The following PREX2 variants were observed in gnomAD, a reference collection of about 807,000 sequenced individuals.
PREX2 encodes phosphatidylinositol 3,4,5-trisphosphate-dependent Rac exchanger 2 protein.
A neutral mutation model predicts 203.2 loss-of-function variants in PREX2; 107 were observed. The ratio of observed to expected loss-of-function variants is 0.53; its 90% CI spans 0.45 to 0.62. The LOEUF is 0.62. PREX2 is among the 20% of genes least tolerant of loss of function. PREX2 has a pLI of 0.00. For missense variants in PREX2, 1,777 were observed against 1,955.9 expected (o/e 0.91, Z 1.72); for synonymous variants, 672 against 663.6 (o/e 1.01, Z -0.19).
chr8:68,134,770 G>A (rs1811079947), intron 32 of PREX2, among the ~76,000 whole-genome samples: 1 of 152,188 alleles, frequency 6.6e-6, no homozygotes, highest in African/African-American at 2.4e-5. Context: ...TTGTATGCAT[G>A]TTTGTCCTGT....
At chr8:67,991,600 G>A (rs769960175) in intron 1 of PREX2, among the ~76,000 whole-genome samples, 1 of 152,112 alleles carries the variant, frequency 6.6e-6, no homozygotes, top group Non-Finnish European at 1.5e-5. Context: ...ACTATCATGA[G>A]AATAGCATGG....
chr8:68,045,475 A>G (rs539705970), intron 8 of PREX2, among the ~76,000 whole-genome samples: 17 of 152,226 alleles, frequency 1.1e-4, no homozygotes, highest in African/African-American at 4.1e-4. Context: ...AATATTTATA[A>G]TCTGTCAGAA....
chr8:68,094,760 C>T (rs1325406036), intron 21 of PREX2, among the ~76,000 whole-genome samples: 1 of 152,188 alleles, frequency 6.6e-6, no homozygotes, highest in Non-Finnish European at 1.5e-5. Context: ...AATCTCCTAA[C>T]ACCAACTGGG....
At chr8:68,229,438 G>A (rs181383789) in intron 39 of PREX2, among the ~76,000 whole-genome samples, 300 of 152,260 alleles carry the variant, frequency 2.0e-3, no homozygotes, top group African/African-American at 7.0e-3. Context: ...ATTTCACTTA[G>A]AAATTTCATC....
At chr8:68,092,781 G>A (rs1809921549) in intron 20 of PREX2, among the ~76,000 whole-genome samples, 1 of 152,102 alleles carries the variant, frequency 6.6e-6, no homozygotes, top group South Asian at 2.1e-4. Flanking sequence ...ATAGATAATT[G>A]ATTCATCAGA....
chr8:68,151,944 A>G (rs1170079325), intron 34 of PREX2, among the ~76,000 whole-genome samples: 1 of 131,148 alleles, frequency 7.6e-6, no homozygotes, highest in Non-Finnish European at 1.6e-5. Context: ...TCATTTTCTA[A>G]GTGCCCTTTA....
At chr8:68,070,382 A>G (rs1235649647) in intron 13 of PREX2, among the ~76,000 whole-genome samples, 1 of 151,862 alleles carries the variant, frequency 6.6e-6, no homozygotes, top group South Asian at 2.1e-4. Flanking sequence ...GTATAATTTT[A>G]TAATTTTATT....
At chr8:68,230,131 A>G (rs1415587178) in intron 39 of PREX2, among the ~76,000 whole-genome samples, 5 of 152,186 alleles carry the variant, frequency 3.3e-5, no homozygotes, top group Non-Finnish European at 5.9e-5. Flanking sequence ...ATACTAGGAA[A>G]GCTCATTTTG....
chr8:68,188,403 A>G (rs984062269), intron 35 of PREX2, among the ~76,000 whole-genome samples: 1 of 152,236 alleles, frequency 6.6e-6, no homozygotes, highest in African/African-American at 2.4e-5. Flanking sequence ...AGTAAGAAAG[A>G]CAGCCAACAA....
At chr8:68,037,726 A>G (rs1045864990) in intron 6 of PREX2, among the ~76,000 whole-genome samples, 8 of 152,048 alleles carry the variant, frequency 5.3e-5, no homozygotes, top group African/African-American at 1.9e-4. Context: ...TGGATATATA[A>G]ATTGAGACCT....
intron 1 of PREX2, among the ~76,000 whole-genome samples, chr8:67,956,075 G>T (rs1219063279): frequency 6.6e-6 from 1 of 152,188 alleles, no homozygotes; most frequent in Non-Finnish European, 1.5e-5. Context: ...TTAGGTCACA[G>T]ATAAAATGGT....
chr8:68,096,941 A>G, intron 21 of PREX2, 76 bp from the exon 22 acceptor site: 1 of 1,233,076 alleles, frequency 8.1e-7, no homozygotes, highest in Non-Finnish European at 1.2e-6. Flanking sequence ...AAAATTATTT[A>G]AAGAGACACA....
intron 14 of PREX2, among the ~76,000 whole-genome samples, chr8:68,073,362 G>C (rs1809253867): frequency 6.6e-6 from 1 of 151,902 alleles, no homozygotes; most frequent in Admixed American, 6.6e-5. Flanking sequence ...AGCTATGTGA[G>C]TCAATTTCAT....
intron 8 of PREX2, among the ~76,000 whole-genome samples, chr8:68,046,557 A>C (rs1422277329): frequency 6.6e-6 from 1 of 152,122 alleles, no homozygotes; most frequent in African/African-American, 2.4e-5. Flanking sequence ...GGCAGGGCCT[A>C]AGACCTTGTT....
rs1585882399 is a variant in PREX2, at chr8:68,235,439, T to G, written c.*4061T>G. 2 of 152,200 alleles carry G rather than the reference T, an allele frequency of 1.3e-5. No homozygotes were observed. Among genetic ancestry groups the G allele is most frequent in the East Asian group, 3.8e-4 (2 of 5,204 alleles). 9.4% of individuals were successfully genotyped at this position (152,200 alleles called of 1,614,324 possible). A position where few individuals can be genotyped will look rare whatever the true frequency, so the allele number is the denominator to read the frequency against. ...TTAAGAACTCTCTCATAGCAGTAAT[T>G]TCATTAACACATATATATACTAACC... On this transcript the variant is annotated 3_prime_UTR_variant, in exon 40 of 40. Transcript: ENST00000288368.
chr8:68,184,455 A>G (rs574509319), intron 35 of PREX2, among the ~76,000 whole-genome samples: 3 of 152,320 alleles, frequency 2.0e-5, no homozygotes, highest in Non-Finnish European at 2.9e-5. Flanking sequence ...AATGCAGAAC[A>G]CTTGATCAAA....
chr8:68,099,402 T>C (rs1415411297), intron 22 of PREX2, among the ~76,000 whole-genome samples: 1 of 152,094 alleles, frequency 6.6e-6, no homozygotes, highest in African/African-American at 2.4e-5. Context: ...GAAGTCCAGT[T>C]ACCTCACCAA....
chr8:68,020,904 C>A (rs1282836402), intron 3 of PREX2, among the ~76,000 whole-genome samples: 1 of 152,122 alleles, frequency 6.6e-6, no homozygotes, highest in Non-Finnish European at 1.5e-5. Flanking sequence ...TGGCTCATAT[C>A]ATTTCTTGAG....
At chr8:68,200,860 T>C (rs939264228) in intron 37 of PREX2, among the ~76,000 whole-genome samples, 2 of 152,162 alleles carry the variant, frequency 1.3e-5, no homozygotes, top group Non-Finnish European at 2.9e-5. Flanking sequence ...ATTATTAGAA[T>C]AGGAAAAACC....
Sources: gnomAD v4.1 joint callset for allele counts (sites outside exome capture counted in the v4.1 genomes callset) on GRCh38, gnomAD v4.1.1 for gene constraint, MANE v1.5 for transcripts, NCBI Gene and HGNC (gene_info 2026-07-23, HGNC 2026-07-21) for gene names.